Variants in PRMT9 observed in about 807,000 individuals in gnomAD.
PRMT9 encodes the protein protein arginine N-methyltransferase 9.
A neutral mutation model predicts 83.2 loss-of-function variants in PRMT9; 59 were observed. That is an observed-to-expected ratio of 0.71 (90% confidence interval 0.57 to 0.88). The LOEUF (loss-of-function observed/expected upper bound fraction) is 0.88, where lower values mean the gene tolerates loss of function less well. Among genes scored for constraint, PRMT9 ranks in the 40% least tolerant of loss-of-function variants. The probability of loss-of-function intolerance (pLI) is 0.00; values close to 1 mark genes in which losing one functional copy is unlikely to be tolerated. For missense variants in PRMT9, 947 were observed against 1,021.9 expected (o/e 0.93, Z 1.00); for synonymous variants, 333 against 353.2 (o/e 0.94, Z 0.64).
chr4:147,669,733 A>G (rs2126626895), intron 5 of PRMT9, among the ~76,000 whole-genome samples: 1 of 152,326 alleles, frequency 6.6e-6, no homozygotes, highest in South Asian at 2.1e-4. Context: ...TTTAACTAGC[A>G]ATTTTAAATC....
intron 8 of PRMT9, among the ~76,000 whole-genome samples, chr4:147,655,755 T>C (rs1734442841): frequency 6.6e-6 from 1 of 151,992 alleles, no homozygotes; most frequent in African/African-American, 2.4e-5. Context: ...ACTCCTGAAC[T>C]CCAGCAATCC....
At chr4:147,655,978 G>A (rs924839664) in intron 8 of PRMT9, among the ~76,000 whole-genome samples, 1 of 152,194 alleles carries the variant, frequency 6.6e-6, no homozygotes, top group Non-Finnish European at 1.5e-5. Context: ...GCCAGTCACT[G>A]TGGTCGGCAT....
chr4:147,665,112 A>C (rs1384406436), intron 6 of PRMT9, among the ~76,000 whole-genome samples: 2 of 103,940 alleles, frequency 1.9e-5, no homozygotes, highest in African/African-American at 3.7e-5. Flanking sequence ...CAAGAGCGAA[A>C]CTCTGTCTAA....
At chr4:147,649,298 G>A (rs1213688351) in intron 9 of PRMT9, among the ~76,000 whole-genome samples, 1 of 152,136 alleles carries the variant, frequency 6.6e-6, no homozygotes, top group Non-Finnish European at 1.5e-5. Flanking sequence ...AATGAGGGCA[G>A]AGCCCTCCTG....
intron 6 of PRMT9, among the ~76,000 whole-genome samples, chr4:147,663,938 G>T (rs1735147861): frequency 6.6e-6 from 1 of 151,966 alleles, no homozygotes; most frequent in South Asian, 2.1e-4. Flanking sequence ...TTAAAAATGA[G>T]AATATTCTCT....
intron 2 of PRMT9, among the ~76,000 whole-genome samples, chr4:147,674,134 G>C (rs1054303101): frequency 6.6e-6 from 1 of 152,112 alleles, no homozygotes. Context: ...CTAATGTATA[G>C]CAGAAGCTCT....
chr4:147,644,130 A>G (rs745764158), intron 9 of PRMT9, among the ~76,000 whole-genome samples: 2 of 152,188 alleles, frequency 1.3e-5, no homozygotes, highest in Non-Finnish European at 2.9e-5. Context: ...TACAGTGATT[A>G]TATCAGTGAA....
chr4:147,675,438 T>TA (rs2126634994), intron 2 of PRMT9, among the ~76,000 whole-genome samples: 1 of 152,338 alleles, frequency 6.6e-6, no homozygotes, highest in East Asian at 1.9e-4. Context: ...TCAGTTAATA[T>TA]ATGTTATTTT....
At chr4:147,663,009 ATTTT>A (rs1177200944) in intron 6 of PRMT9, among the ~76,000 whole-genome samples, 1 of 141,112 alleles carries the variant, frequency 7.1e-6, no homozygotes, top group Non-Finnish European at 1.6e-5. Flanking sequence ...ACTACTAATA[ATTTT>A]TTTTTTTTTT....
intron 10 of PRMT9, among the ~76,000 whole-genome samples, chr4:147,641,408 TG>T (rs778769931): frequency 8.3e-4 from 126 of 152,292 alleles, no homozygotes; most frequent in Non-Finnish European, 1.4e-3. Flanking sequence ...TCCTTTGATT[TG>T]TGTGATTTGC....
intron 9 of PRMT9, among the ~76,000 whole-genome samples, chr4:147,650,866 G>A (rs1394895284): frequency 1.3e-5 from 2 of 152,158 alleles, no homozygotes; most frequent in African/African-American, 2.4e-5. Flanking sequence ...ACTTTGGGAG[G>A]CCAAGGCGGG....
At chr4:147,664,632 T>G (rs1270019318) in intron 6 of PRMT9, among the ~76,000 whole-genome samples, 1 of 152,062 alleles carries the variant, frequency 6.6e-6, no homozygotes, top group East Asian at 1.9e-4. Context: ...CACCAGGGCC[T>G]GTTGGGGGAT....
At chr4:147,680,855 C>T (rs915665936) in intron 1 of PRMT9, among the ~76,000 whole-genome samples, 2 of 152,176 alleles carry the variant, frequency 1.3e-5, no homozygotes, top group Non-Finnish European at 2.9e-5. Flanking sequence ...TTAATGGATG[C>T]TACATTTACA....
rs367655758 is a variant in PRMT9 at position 147,654,138 on chromosome 4, C to T, written c.1759G>A (p.Val587Met). ...GGCAGAACAGAGAAGCCTTCGGACA[C>T]ATCTAACACGTAGAAAGGTTCAAGG... ...NILEPFYVLD[V>M]SEGFSVLPVI... The change falls in exon 9 of 12, where the codon GTG becomes ATG. Residue 587 changes from valine to methionine, a missense_variant. Val to Met is a conservative substitution (Grantham distance 21, BLOSUM62 1). Coordinates refer to ENST00000322396, the MANE Select transcript of PRMT9 (RefSeq NM_138364.4). 4 of 1,614,106 alleles carry T rather than the reference C, an allele frequency of 2.5e-6. No individual in the cohort carries two copies. The African/African-American group carries it at 4.0e-5, about 16-fold the overall frequency.
intron 8 of PRMT9, among the ~76,000 whole-genome samples, chr4:147,656,680 G>A (rs1192095425): frequency 7.1e-6 from 1 of 141,806 alleles, no homozygotes; most frequent in Non-Finnish European, 1.5e-5. Context: ...ACTGAGGCAG[G>A]AGAATCACTT....
In PRMT9 at chr4:147,654,404, T is replaced by C. The variant is rs761571001; in HGVS notation, c.1493A>G (p.Glu498Gly). Residue 498 changes from glutamate to glycine, a missense_variant, in exon 9 of 12, where the codon GAA becomes GGA. By Grantham distance (98) the Glu-to-Gly change is moderately conservative (BLOSUM62 -2). Transcript: ENST00000322396. ...KDLLSLGNEA[E>G]LCSALANLQT... ...AAGGTTAGCGAGGGCACTACAAAGTTCAGCCTCATTTCCTAACGATAACAA... is the reference window on the plus strand; with the variant it reads ...AAGGTTAGCGAGGGCACTACAAAGTCCAGCCTCATTTCCTAACGATAACAA... 9.9e-6 allele frequency: 16 copies of C among 1,614,228 alleles called. No homozygotes were observed. The highest frequency in any genetic ancestry group is 1.4e-5 in the Non-Finnish European group (16 of 1,180,042).
intron 6 of PRMT9, among the ~76,000 whole-genome samples, chr4:147,661,483 G>A (rs1285629149): frequency 6.6e-6 from 1 of 152,052 alleles, no homozygotes; most frequent in Non-Finnish European, 1.5e-5. Flanking sequence ...CAGCCACCCA[G>A]GAAATGGAGT....
chr4:147,657,682 A>G (rs1234333875), intron 8 of PRMT9, 110 bp downstream of exon 8: 4 of 787,448 alleles, frequency 5.1e-6, no homozygotes, highest in Non-Finnish European at 8.6e-6. Flanking sequence ...GATTTAACCA[A>G]CCTCCTTTGA....
intron 8 of PRMT9, among the ~76,000 whole-genome samples, chr4:147,656,598 A>G (rs1348595004): frequency 6.6e-6 from 1 of 151,468 alleles, no homozygotes; most frequent in African/African-American, 2.4e-5. Flanking sequence ...CAGTGAAACC[A>G]TGTCTCTACT....
Sources: gnomAD v4.1 joint callset for allele counts (sites outside exome capture counted in the v4.1 genomes callset) on GRCh38, gnomAD v4.1.1 for gene constraint, MANE v1.5 for transcripts, NCBI Gene and HGNC (gene_info 2026-07-23, HGNC 2026-07-21) for gene names.